Variants in APC observed in about 807,000 individuals in gnomAD.
APC encodes the protein adenomatous polyposis coli protein.
A neutral mutation model predicts 247.0 loss-of-function variants in APC; 72 were observed. That is an observed-to-expected ratio of 0.29 (90% CI 0.24 to 0.35). The LOEUF (loss-of-function observed/expected upper bound fraction) is 0.35. Among genes scored for constraint, APC ranks in the 10% least tolerant of loss-of-function variants. APC has a pLI of 1.00. For missense variants in APC, 3,400 were observed against 3,360.7 expected (o/e 1.01, Z -0.29); for synonymous variants, 1,254 against 1,162.5 (o/e 1.08, Z -1.60).
chr5:112,712,580 G>A (rs551231063), intron 1 of APC, among the ~76,000 whole-genome samples: 478 of 145,716 alleles, frequency 3.3e-3, no homozygotes, highest in Middle Eastern at 0.011. Flanking sequence ...TTTTTTAAGC[G>A]ACCGGGGCTT....
In APC at chr5:112,844,066, A is replaced by T. The variant is rs904461634; in HGVS notation, c.8472A>T (p.Glu2824Asp). ...GAGATTCCAAAACTGACAGCACAGA[A>T]TCCAGTGGAACCCAAAGTCCTAAGC... ...KKRDSKTDST[E>D]SSGTQSPKRH... Residue 2824 changes from glutamate to aspartate, a missense_variant, in exon 16 of 16, where the codon GAA (glutamate) becomes GAT (aspartate). By Grantham distance (45) the Glu-to-Asp change is conservative. Transcript: ENST00000257430. 1.2e-6 allele frequency: 2 copies of T among 1,607,870 alleles called. No homozygotes were observed. The highest frequency in any genetic ancestry group is 2.7e-5 in the African/African-American group (2 of 74,456).
At chr5:112,793,127 G>A (rs1482345885) in intron 7 of APC, among the ~76,000 whole-genome samples, 1 of 152,116 alleles carries the variant, frequency 6.6e-6, no homozygotes, top group Middle Eastern at 3.2e-3. Flanking sequence ...CTGTTAAGAA[G>A]CAGATGGACT....
intron 7 of APC, among the ~76,000 whole-genome samples, chr5:112,800,592 T>C (rs556253920): frequency 2.0e-5 from 3 of 152,294 alleles, no homozygotes; most frequent in South Asian, 2.1e-4. Flanking sequence ...TATAGGTGTT[T>C]CTATAAATGA....
At chr5:112,799,853 T>G (rs1414684369) in intron 7 of APC, among the ~76,000 whole-genome samples, 1 of 152,134 alleles carries the variant, frequency 6.6e-6, no homozygotes, top group Non-Finnish European at 1.5e-5. Context: ...CCTCTGCATG[T>G]GATCTGTTTT....
At chr5:112,776,603 T>C (rs1298754304) in intron 5 of APC, among the ~76,000 whole-genome samples, 1 of 152,144 alleles carries the variant, frequency 6.6e-6, no homozygotes, top group Non-Finnish European at 1.5e-5. Flanking sequence ...TTTGGGAGGC[T>C]GAGAAAGGTG....
At chr5:112,746,492 C>G (rs1034026414) in intron 1 of APC, among the ~76,000 whole-genome samples, 5 of 152,022 alleles carry the variant, frequency 3.3e-5, no homozygotes, top group Non-Finnish European at 7.4e-5. Context: ...AATCAACAGG[C>G]TCGTAAAAGC....
At chr5:112,731,401 T>TTC (rs1752091456) in intron 1 of APC, among the ~76,000 whole-genome samples, 1 of 152,190 alleles carries the variant, frequency 6.6e-6, no homozygotes, top group Non-Finnish European at 1.5e-5. Flanking sequence ...GGTGAGGGCC[T>TTC]TCTTATTGTG....
At chr5:112,777,770 C>T in intron 5 of APC, 1 of 255,050 alleles carries the variant, frequency 3.9e-6, no homozygotes, top group Non-Finnish European at 8.4e-6. Context: ...CCTTCCATTT[C>T]ATGAGAAACA....
chr5:112,708,699 TG>T (rs1750674863), intron 1 of APC, among the ~76,000 whole-genome samples: 1 of 152,258 alleles, frequency 6.6e-6, no homozygotes, highest in Non-Finnish European at 1.5e-5. Context: ...ACAAGCCCTT[TG>T]TTTCTATTTA....
chr5:112,708,702 T>C (rs1008879491), intron 1 of APC, among the ~76,000 whole-genome samples: 3 of 152,250 alleles, frequency 2.0e-5, no homozygotes, highest in Non-Finnish European at 4.4e-5. Context: ...AGCCCTTTGT[T>C]TCTATTTAGA....
chr5:112,707,928 C>T (rs2149631824), intron 1 of APC: 2 of 1,320,344 alleles, frequency 1.5e-6, no homozygotes, highest in East Asian at 6.9e-5. Flanking sequence ...GCAAAGCTTC[C>T]TCGGCTTTGC....
At chr5:112,719,967 C>T (rs915487480) in intron 1 of APC, among the ~76,000 whole-genome samples, 17 of 152,190 alleles carry the variant, frequency 1.1e-4, no homozygotes, top group African/African-American at 3.9e-4. Flanking sequence ...ATCTTACCCA[C>T]ATCTATTTAA....
chr5:112,813,593 G>A (rs750942007), intron 8 of APC, among the ~76,000 whole-genome samples: 6 of 151,944 alleles, frequency 3.9e-5, no homozygotes, highest in African/African-American at 7.3e-5. Flanking sequence ...AACAGTTTAC[G>A]TTGCTAGCTA....
chr5:112,727,183 A>AT (rs34473200), intron 1 of APC, among the ~76,000 whole-genome samples: 361 of 146,512 alleles, frequency 2.5e-3, no homozygotes, highest in African/African-American at 5.2e-3. Context: ...TGCTAGATAG[A>AT]TTTTTTTTTT....
At position 112,786,107 on chromosome 5, in the gene APC, G is replaced by A. The variant is rs1279936968; in HGVS notation, c.645+5204G>A. Among the ~76,000 whole-genome samples the A allele has an allele frequency of 3.3e-5, 5 of 152,262 alleles. No individual in the cohort carries two copies. In the South Asian group the frequency reaches 8.3e-4, roughly 25 times the overall value. On this transcript the variant is annotated intron_variant, in intron 6 of 15. Transcript: ENST00000257430. ...CCTGTGTTTTTGTTTTGTTCAGAGA[G>A]GGGGTTTTGCTGGTTGCCCAGGCTG...
rs577769186 is a variant in APC, at chr5:112,756,553, A to G, written c.135+1528A>G. ...AAAATATTCTTTCATCTACTTTAGT[A>G]TGGTATATTTCGCAGAGAACTCCTC... On this transcript the variant is annotated intron_variant, in intron 2 of 15. Coordinates refer to ENST00000257430, the MANE Select transcript of APC (RefSeq NM_000038.6). 8.5e-5 allele frequency among the ~76,000 whole-genome samples: 13 copies of G among 152,348 alleles called. 1 individual carries two copies. In the South Asian group the frequency reaches 2.5e-3, roughly 29 times the overall value.
chr5:112,762,790 G>A (rs966196798), intron 2 of APC, among the ~76,000 whole-genome samples: 2 of 152,154 alleles, frequency 1.3e-5, no homozygotes, highest in African/African-American at 4.8e-5. Context: ...TGGATATTTA[G>A]GATTAGTGTA....
At chr5:112,766,209 C>T (rs1363236137) in intron 2 of APC, 117 bp from the exon 3 acceptor site, 10 of 699,236 alleles carry the variant, frequency 1.4e-5, no homozygotes, top group Admixed American at 8.7e-5. Context: ...ATATAAGGTG[C>T]GTGCTTTGAG....
intron 2 of APC, among the ~76,000 whole-genome samples, chr5:112,763,847 AT>A (rs2149773991): frequency 6.6e-6 from 1 of 152,314 alleles, no homozygotes; most frequent in East Asian, 1.9e-4. Context: ...GGCTTACTGA[AT>A]CGACAGTCTA....
Sources: gnomAD v4.1 joint callset for allele counts (sites outside exome capture counted in the v4.1 genomes callset) on GRCh38, gnomAD v4.1.1 for gene constraint, MANE v1.5 for transcripts, NCBI Gene and HGNC (gene_info 2026-07-23, HGNC 2026-07-21) for gene names.